Variants in LYRM4 observed in about 807,000 individuals in gnomAD.
LYRM4 encodes LYR motif-containing protein 4.
In LYRM4, 9 loss-of-function variants were observed where a neutral mutation model predicts 11.7. That is an observed-to-expected ratio of 0.77 (90% CI 0.46 to 1.34). LYRM4 has a LOEUF of 1.34. Ranked by LOEUF, LYRM4 falls within the 40% of genes most tolerant of loss-of-function variation. LYRM4 has a pLI of 0.00. For synonymous variants in LYRM4, 42 were observed against 40.4 expected (o/e 1.04, Z -0.15); for missense variants, 133 against 112.5 (o/e 1.18, Z -0.82).
intron 2 of LYRM4, among the ~76,000 whole-genome samples, chr6:5,157,100 T>C: frequency 6.6e-6 from 1 of 152,298 alleles, no homozygotes; most frequent in African/African-American, 2.4e-5. Flanking sequence ...TTAGTGAACC[T>C]AGCAAAAGAA....
chr6:5,121,581 C>T (rs775304213), intron 2 of LYRM4, among the ~76,000 whole-genome samples: 2 of 152,148 alleles, frequency 1.3e-5, no homozygotes, highest in South Asian at 2.1e-4. Flanking sequence ...CAGCACACCA[C>T]GTTACATGTC....
Position 5,181,577 on chromosome 6 carries a change from T to A in LYRM4, c.207+35041A>T, listed in dbSNP as rs151013768. On this transcript the variant is annotated intron_variant, in intron 2 of 2. Transcript: ENST00000330636. The stretch of plus-strand genomic sequence containing the variant: ...CCTCTCCTCCTCTTCACCACCACAC[T>A]GCTCCTCTAGGTCTGGTGCCCCTGC... Among the ~76,000 whole-genome samples, 905 of 152,310 alleles carry A rather than the reference T, an allele frequency of 5.9e-3. 11 individuals carry two copies. The highest frequency in any genetic ancestry group is 0.043 in the South Asian group (209 of 4,828).
intron 2 of LYRM4, among the ~76,000 whole-genome samples, chr6:5,144,873 T>C (rs907533743): frequency 6.6e-6 from 1 of 152,200 alleles, no homozygotes; most frequent in Non-Finnish European, 1.5e-5. Context: ...GGGTGACCTC[T>C]GAGGTCTCCT....
intron 2 of LYRM4, among the ~76,000 whole-genome samples, chr6:5,123,764 G>T (rs921386882): frequency 1.3e-5 from 2 of 152,238 alleles, no homozygotes; most frequent in African/African-American, 4.8e-5. Context: ...AGTGTCACCT[G>T]TAGGGCGAGG....
the LYRM4 span, among the ~76,000 whole-genome samples, chr6:5,038,191 C>T: frequency 3.3e-5 from 2 of 60,578 alleles, 1 homozygote; most frequent in East Asian, 4.8e-3. Flanking sequence ...GAGGTGCTCC[C>T]CACATCTCAG....
intron 1 of LYRM4, among the ~76,000 whole-genome samples, chr6:5,217,646 T>C (rs1025590999): frequency 6.6e-6 from 1 of 152,278 alleles, no homozygotes; most frequent in Non-Finnish European, 1.5e-5. Flanking sequence ...TTAACACTTG[T>C]TATGCCTTAA....
the LYRM4 span, among the ~76,000 whole-genome samples, chr6:5,091,633 G>A: frequency 6.6e-6 from 1 of 152,246 alleles, no homozygotes; most frequent in Non-Finnish European, 1.5e-5. Flanking sequence ...TCAGCTAAAT[G>A]AAGATGTTTG....
At chr6:5,062,870 G>T in the LYRM4 span, among the ~76,000 whole-genome samples, 2 of 152,264 alleles carry the variant, frequency 1.3e-5, no homozygotes, top group East Asian at 3.9e-4. Flanking sequence ...CATTGGATTT[G>T]GAGCAAATCA....
the LYRM4 span, among the ~76,000 whole-genome samples, chr6:5,062,931 A>C: frequency 6.6e-6 from 1 of 152,124 alleles, no homozygotes; most frequent in South Asian, 2.1e-4. Context: ...CACACTGGCA[A>C]GGGCCCTTGG....
chr6:5,073,465 T>TA, the LYRM4 span, among the ~76,000 whole-genome samples: 88 of 148,344 alleles, frequency 5.9e-4, no homozygotes, highest in African/African-American at 2.1e-3. Context: ...GTATATATAT[T>TA]TTTTTTCCTA....
chr6:5,085,952 T>G, the LYRM4 span: 1 of 1,527,130 alleles, frequency 6.5e-7, no homozygotes, highest in Non-Finnish European at 8.7e-7. Context: ...GAGCCGCAGG[T>G]GCCGCCCGCC....
chr6:5,201,192 A>C (rs753774354), intron 2 of LYRM4, among the ~76,000 whole-genome samples: 1 of 152,100 alleles, frequency 6.6e-6, no homozygotes. Context: ...GGAATGTATC[A>C]GTCTTCCTTT....
chr6:5,237,710 A>C (rs1763633256), intron 1 of LYRM4, among the ~76,000 whole-genome samples: 1 of 152,158 alleles, frequency 6.6e-6, no homozygotes, highest in Admixed American at 6.6e-5. Context: ...TCTTCTAGAT[A>C]TGCTAAGCTG....
chr6:5,230,427 T>C (rs1372639605), intron 1 of LYRM4, among the ~76,000 whole-genome samples: 1 of 152,182 alleles, frequency 6.6e-6, no homozygotes, highest in Admixed American at 6.5e-5. Context: ...GGCTTCTTTT[T>C]TCCCCCCACC....
chr6:5,216,666 T>C lies in LYRM4; in HGVS notation c.159A>G (p.Gln53=), dbSNP rs1175434325. 4 of 1,613,982 alleles carry C rather than the reference T, an allele frequency of 2.5e-6. No homozygotes were observed. The highest frequency in any genetic ancestry group is 2.5e-6 in the Non-Finnish European group (3 of 1,180,010). ...CTCTCTTGGCTTTATTCACTAGGGT[T>C]TGAATTTCTACAGGATCCTTTACAT... ...NKNVKDPVEI[Q]TLVNKAKRDL... is the part of the protein sequence containing the mutation. Residue 53 remains glutamine (Q), a synonymous_variant, in exon 2 of 3, where the codon CAA becomes CAG. Coordinates refer to ENST00000330636, the MANE Select transcript of LYRM4 (RefSeq NM_020408.6).
chr6:5,125,540 A>G (rs987228977), intron 2 of LYRM4, among the ~76,000 whole-genome samples: 1 of 152,200 alleles, frequency 6.6e-6, no homozygotes, highest in Non-Finnish European at 1.5e-5. Flanking sequence ...TCACCTGTGT[A>G]AGGTCTCAGG....
chr6:5,071,294 T>C, the LYRM4 span, among the ~76,000 whole-genome samples: 5 of 152,182 alleles, frequency 3.3e-5, no homozygotes, highest in Admixed American at 3.3e-4. Flanking sequence ...GGATAACCTT[T>C]CAATGATAGT....
chr6:5,062,960 G>C, the LYRM4 span, among the ~76,000 whole-genome samples: 281 of 152,300 alleles, frequency 1.8e-3, 1 homozygote, highest in African/African-American at 6.2e-3. Context: ...ATGTGCCGCT[G>C]ACTATCCTGT....
chr6:5,218,912 T>C (rs556480177), intron 1 of LYRM4, among the ~76,000 whole-genome samples: 17 of 152,360 alleles, frequency 1.1e-4, no homozygotes, highest in African/African-American at 3.4e-4. Flanking sequence ...ACTGTTCTTC[T>C]TGACAACCAC....
Sources: gnomAD v4.1 joint callset for allele counts (sites outside exome capture counted in the v4.1 genomes callset) on GRCh38, gnomAD v4.1.1 for gene constraint, MANE v1.5 for transcripts, NCBI Gene and HGNC (gene_info 2026-07-23, HGNC 2026-07-21) for gene names.